The following TMEM132C variants were observed in gnomAD, a reference collection of about 807,000 sequenced individuals.
TMEM132C encodes protein phosphatase 1, regulatory subunit 152.
A neutral mutation model predicts 61.4 loss-of-function variants in TMEM132C; 29 were observed. The ratio of observed to expected loss-of-function variants is 0.47; its 90% CI spans 0.35 to 0.64. The LOEUF is 0.64. Among genes scored for constraint, TMEM132C ranks in the 30% least tolerant of loss-of-function variants. The pLI is 0.00. For synonymous variants in TMEM132C, 656 were observed against 633.1 expected (o/e 1.04, Z -0.54); for missense variants, 1,408 against 1,476.9 (o/e 0.95, Z 0.76).
At chr12:128,340,908 C>CTTTT (rs1296834025) in intron 1 of TMEM132C, among the ~76,000 whole-genome samples, 40 of 104,138 alleles carry the variant, frequency 3.8e-4, no homozygotes, top group African/African-American at 1.9e-3. Flanking sequence ...CTCTCTTTCT[C>CTTTT]TCTCTCTTTC....
chr12:128,468,967 C>T (rs1870836117), intron 2 of TMEM132C, among the ~76,000 whole-genome samples: 1 of 152,218 alleles, frequency 6.6e-6, no homozygotes, highest in African/African-American at 2.4e-5. Flanking sequence ...TTTCTTTCTT[C>T]TCCATTTCCT....
intron 4 of TMEM132C, among the ~76,000 whole-genome samples, chr12:128,633,639 C>A (rs1372845584): frequency 6.6e-6 from 1 of 152,146 alleles, no homozygotes; most frequent in African/African-American, 2.4e-5. Flanking sequence ...CTGAGAAACC[C>A]TCACCTAGTT....
At chr12:128,657,174 A>G (rs1027875765) in intron 4 of TMEM132C, among the ~76,000 whole-genome samples, 6 of 152,110 alleles carry the variant, frequency 3.9e-5, no homozygotes, top group Non-Finnish European at 8.8e-5. Context: ...ACATTTTGTC[A>G]TACTTGTGAA....
chr12:128,521,655 A>T (rs1279814157), intron 2 of TMEM132C, among the ~76,000 whole-genome samples: 1 of 152,148 alleles, frequency 6.6e-6, no homozygotes, highest in East Asian at 1.9e-4. Context: ...AAAACTAGCA[A>T]TATCTACTCT....
chr12:128,669,395 T>G (rs540357593), intron 4 of TMEM132C, 22 bp from the exon 5 acceptor site: 5 of 1,551,166 alleles, frequency 3.2e-6, no homozygotes, highest in Non-Finnish European at 4.4e-6. Context: ...CTTGACCCAG[T>G]GTGTTTGATT....
chr12:128,444,274 C>A (rs1869898018), intron 2 of TMEM132C, among the ~76,000 whole-genome samples: 1 of 152,160 alleles, frequency 6.6e-6, no homozygotes, highest in Non-Finnish European at 1.5e-5. Flanking sequence ...AACCTTTTGT[C>A]ATTTGTCATC....
At chr12:128,328,375 T>TGGTAGAA (rs1872584761) in intron 1 of TMEM132C, among the ~76,000 whole-genome samples, 1 of 152,156 alleles carries the variant, frequency 6.6e-6, no homozygotes, top group South Asian at 2.1e-4. Context: ...GGAACTGTTG[T>TGGTAGAA]GGTAGAACTA....
intron 4 of TMEM132C, among the ~76,000 whole-genome samples, chr12:128,619,829 A>G (rs1352794210): frequency 6.6e-6 from 1 of 152,224 alleles, no homozygotes; most frequent in Non-Finnish European, 1.5e-5. Flanking sequence ...AATGTAAGAA[A>G]AAAGGGTTCA....
intron 1 of TMEM132C, chr12:128,288,453 G>C (rs1443606257): frequency 6.6e-6 from 1 of 152,536 alleles, no homozygotes; most frequent in Non-Finnish European, 1.5e-5. Context: ...CTCCCCTGCA[G>C]CTGGGTCTGG....
intron 4 of TMEM132C, among the ~76,000 whole-genome samples, chr12:128,657,958 AT>A (rs1302347558): frequency 3.3e-5 from 5 of 152,238 alleles, no homozygotes; most frequent in Non-Finnish European, 5.9e-5. Context: ...AACTGGGATT[AT>A]CCCCATTTCA....
intron 2 of TMEM132C, among the ~76,000 whole-genome samples, chr12:128,494,404 A>G (rs1871864210): frequency 6.6e-6 from 1 of 152,222 alleles, no homozygotes; most frequent in Admixed American, 6.5e-5. Flanking sequence ...ATTGATTAGA[A>G]TAGTTTCAGA....
chr12:128,479,140 C>T (rs913044392), intron 2 of TMEM132C, among the ~76,000 whole-genome samples: 5 of 152,270 alleles, frequency 3.3e-5, no homozygotes, highest in African/African-American at 1.2e-4. Context: ...TGCATGTTCT[C>T]ACTTATAAGT....
intron 5 of TMEM132C, among the ~76,000 whole-genome samples, chr12:128,691,810 C>A (rs1272765684): frequency 6.6e-6 from 1 of 150,888 alleles, no homozygotes; most frequent in Admixed American, 6.6e-5. Flanking sequence ...GTGCATGCAC[C>A]CATCAGTTCT....
chr12:128,665,262 T>C (rs1206466755), intron 4 of TMEM132C, among the ~76,000 whole-genome samples: 2 of 102,156 alleles, frequency 2.0e-5, no homozygotes, highest in Non-Finnish European at 4.1e-5. Flanking sequence ...CACTCGCACA[T>C]ACACAAACAG....
intron 2 of TMEM132C, among the ~76,000 whole-genome samples, chr12:128,489,617 A>T (rs1202816835): frequency 6.6e-6 from 1 of 150,600 alleles, no homozygotes; most frequent in Non-Finnish European, 1.5e-5. Flanking sequence ...GTGATTGTTT[A>T]AATCTTTAGG....
intron 3 of TMEM132C, among the ~76,000 whole-genome samples, chr12:128,603,747 A>T (rs1278693157): frequency 6.6e-6 from 1 of 152,158 alleles, no homozygotes; most frequent in Non-Finnish European, 1.5e-5. Context: ...AAAGAAGCTC[A>T]GTTAGTCACC....
chr12:128,705,723 G>A lies in TMEM132C; in HGVS notation c.2755G>A (p.Gly919Ser), dbSNP rs935570514. Residue 919 changes from glycine (G) to serine (S), a missense_variant, in exon 9 of 9, where the codon GGC becomes AGC. Gly to Ser is a moderately conservative substitution (Grantham distance 56, BLOSUM62 0). Transcript: ENST00000435159. ...EENDLVQTPRGLSDLEIGMYA... is the reference protein window; with the variant it reads ...EENDLVQTPRSLSDLEIGMYA... Reference sequence around the variant, plus strand: ...AAACGACCTGGTGCAGACTCCGCGGGGCCTGAGTGATCTGGAGATAGGGAT... The same window carrying A: ...AAACGACCTGGTGCAGACTCCGCGGAGCCTGAGTGATCTGGAGATAGGGAT... 10 of 1,551,334 alleles carry A rather than the reference G, an allele frequency of 6.4e-6. No homozygotes were observed. In the Admixed American group the frequency reaches 2.0e-4, roughly 30 times the overall value.
intron 4 of TMEM132C, among the ~76,000 whole-genome samples, chr12:128,617,638 G>A (rs1297559648): frequency 6.6e-6 from 1 of 152,072 alleles, no homozygotes; most frequent in Non-Finnish European, 1.5e-5. Flanking sequence ...AATCAGGTGG[G>A]GCAGGTGTGG....
At chr12:128,702,608 G>A (rs1020278421) in intron 8 of TMEM132C, among the ~76,000 whole-genome samples, 1 of 152,094 alleles carries the variant, frequency 6.6e-6, no homozygotes, top group East Asian at 1.9e-4. Context: ...CTGGTTGCTC[G>A]GCTTTGTTTT....
Sources: allele counts gnomAD v4.1 joint callset (sites outside exome capture counted in the v4.1 genomes callset), GRCh38; gene constraint gnomAD v4.1.1; transcripts MANE v1.5; gene names NCBI Gene and HGNC (gene_info 2026-07-23, HGNC 2026-07-21).